Variants in ACTR3C observed in about 807,000 individuals in gnomAD.
The protein encoded by ACTR3C is actin related protein 3C.
In ACTR3C, 18 loss-of-function variants were observed where a neutral mutation model predicts 26.3. The observed-to-expected ratio is 0.68, with a 90% CI of 0.47 to 1.01. ACTR3C has a LOEUF of 1.01. Among genes scored for constraint, ACTR3C ranks in the 50% least tolerant of loss-of-function variants. ACTR3C has a pLI of 0.00. For synonymous variants in ACTR3C, 55 were observed against 94.5 expected, an observed-to-expected ratio of 0.58 and a Z score of 2.42; for missense variants, 184 against 250.7, an observed-to-expected ratio of 0.73 and a Z score of 1.80.
the ACTR3C span, among the ~76,000 whole-genome samples, chr7:150,202,267 T>C: frequency 6.6e-6 from 1 of 152,216 alleles, no homozygotes; most frequent in Non-Finnish European, 1.5e-5. Context: ...GACGTTTCAT[T>C]GATACAGAAT....
chr7:150,091,748 C>T, the ACTR3C span, among the ~76,000 whole-genome samples: 4 of 145,992 alleles, frequency 2.7e-5, no homozygotes, highest in Non-Finnish European at 6.1e-5. Flanking sequence ...TTTGGGAGGC[C>T]GAGGCGGGCG....
chr7:150,267,829 T>C (rs561947883), intron 6 of ACTR3C, among the ~76,000 whole-genome samples: 1 of 152,304 alleles, frequency 6.6e-6, no homozygotes, highest in East Asian at 1.9e-4. Context: ...AGGAAGCAGA[T>C]GGGTGCCTTC....
the ACTR3C span, among the ~76,000 whole-genome samples, chr7:150,111,616 A>G: frequency 2.1e-5 from 2 of 96,826 alleles, no homozygotes; most frequent in Non-Finnish European, 4.1e-5. Context: ...ACACCCACCC[A>G]CCCACTCACA....
intron 6 of ACTR3C, among the ~76,000 whole-genome samples, chr7:150,262,999 C>T (rs1277197025): frequency 6.6e-6 from 1 of 152,202 alleles, no homozygotes; most frequent in East Asian, 1.9e-4. Flanking sequence ...AGAAGACTTC[C>T]TAGCGGGTGT....
the ACTR3C span, among the ~76,000 whole-genome samples, chr7:149,987,663 G>A: frequency 5.6e-5 from 8 of 142,082 alleles, no homozygotes; most frequent in Non-Finnish European, 3.1e-5. Context: ...AAAATTGTTA[G>A]TTTTCATATT....
At chr7:150,193,617 T>A in the ACTR3C span, among the ~76,000 whole-genome samples, 11 of 152,208 alleles carry the variant, frequency 7.2e-5, no homozygotes, top group Admixed American at 2.0e-4. Flanking sequence ...ATAGTTTATT[T>A]ACACTTTGAT....
chr7:149,911,979 T>C, the ACTR3C span, among the ~76,000 whole-genome samples: 2 of 144,172 alleles, frequency 1.4e-5, no homozygotes, highest in East Asian at 4.0e-4. Flanking sequence ...CACTGCCCTG[T>C]AGCCCGGGTG....
At chr7:150,315,800 AACACAG>A (rs766860283) in intron 1 of ACTR3C, among the ~76,000 whole-genome samples, 1 of 151,918 alleles carries the variant, frequency 6.6e-6, no homozygotes, top group African/African-American at 2.4e-5. Context: ...TTTTAATAAA[AACACAG>A]ACACAAACAC....
At chr7:149,989,654 C>T in the ACTR3C span, among the ~76,000 whole-genome samples, 1 of 152,210 alleles carries the variant, frequency 6.6e-6, no homozygotes, top group Non-Finnish European at 1.5e-5. Flanking sequence ...TGTGCATACA[C>T]CACACGTTTC....
the ACTR3C span, among the ~76,000 whole-genome samples, chr7:149,927,892 C>A: frequency 6.6e-6 from 1 of 152,164 alleles, no homozygotes; most frequent in Non-Finnish European, 1.5e-5. Flanking sequence ...CCATTCTATT[C>A]TTTTCTTTAT....
chr7:149,986,443 G>A, the ACTR3C span, among the ~76,000 whole-genome samples: 10 of 152,124 alleles, frequency 6.6e-5, no homozygotes, highest in African/African-American at 2.4e-4. Flanking sequence ...GATTCCAGGG[G>A]AAATCAAGAT....
the ACTR3C span, among the ~76,000 whole-genome samples, chr7:150,046,771 A>C: frequency 6.9e-6 from 1 of 145,118 alleles, no homozygotes; most frequent in Non-Finnish European, 1.5e-5. Context: ...AAACGCATCC[A>C]TCTAAGGTCC....
chr7:150,214,714 G>A, the ACTR3C span, among the ~76,000 whole-genome samples: 4 of 151,864 alleles, frequency 2.6e-5, no homozygotes, highest in East Asian at 1.9e-4. Context: ...CACCCACTAC[G>A]GTAATAAATA....
At chr7:149,944,601 T>G in the ACTR3C span, among the ~76,000 whole-genome samples, 15 of 150,210 alleles carry the variant, frequency 1.0e-4, no homozygotes, top group African/African-American at 3.8e-4. Context: ...TAGCTGCTGG[T>G]CGCACCCCAT....
chr7:150,057,205 T>C, the ACTR3C span, among the ~76,000 whole-genome samples: 4 of 151,416 alleles, frequency 2.6e-5, no homozygotes, highest in Non-Finnish European at 4.4e-5. Flanking sequence ...TCCAATAAGA[T>C]ACCTGGTTAT....
At chr7:150,291,951 C>T (rs1261952900) in intron 3 of ACTR3C, among the ~76,000 whole-genome samples, 4 of 151,230 alleles carry the variant, frequency 2.6e-5, no homozygotes, top group East Asian at 1.9e-4. Flanking sequence ...GGTATGGGGG[C>T]GGGAGGCTGG....
At chr7:150,053,835 G>T in the ACTR3C span, among the ~76,000 whole-genome samples, 2 of 152,206 alleles carry the variant, frequency 1.3e-5, no homozygotes, top group Admixed American at 1.3e-4. Context: ...ATAAAGGAAG[G>T]GGGTATAGTG....
At chr7:150,013,391 G>A in the ACTR3C span, among the ~76,000 whole-genome samples, 4 of 152,176 alleles carry the variant, frequency 2.6e-5, no homozygotes. Context: ...AGCCCCCAAG[G>A]TTTAGGTGAA....
At chr7:150,194,857 G>T in the ACTR3C span, among the ~76,000 whole-genome samples, 251 of 152,150 alleles carry the variant, frequency 1.6e-3, 2 homozygotes, top group African/African-American at 5.7e-3. Flanking sequence ...ACTTTAGAAG[G>T]CCAAGGCAGG....
Sources: allele counts gnomAD v4.1 joint callset (sites outside exome capture counted in the v4.1 genomes callset), GRCh38; gene constraint gnomAD v4.1.1; transcripts MANE v1.5; gene names NCBI Gene and HGNC (gene_info 2026-07-23, HGNC 2026-07-21).